The following SYT9 variants were observed in gnomAD, a reference collection of about 807,000 sequenced individuals.
The protein encoded by SYT9 is synaptotagmin-9.
Under a neutral mutation model 48.4 loss-of-function variants are expected in SYT9, and 22 were observed. The ratio of observed to expected loss-of-function variants is 0.45; its 90% CI spans 0.32 to 0.65. The LOEUF is 0.65. Among genes scored for constraint, SYT9 ranks in the 30% least tolerant of loss-of-function variants. The pLI is 0.03. For missense variants in SYT9, 577 were observed against 622.0 expected (o/e 0.93, Z 0.77); for synonymous variants, 265 against 245.0 (o/e 1.08, Z -0.76).
intron 2 of SYT9, among the ~76,000 whole-genome samples, chr11:7,309,495 T>C (rs1849091078): frequency 6.6e-6 from 1 of 152,164 alleles, no homozygotes; most frequent in Non-Finnish European, 1.5e-5. Context: ...AGTCAGTGGC[T>C]TTGAAATTCT....
intron 1 of SYT9, among the ~76,000 whole-genome samples, chr11:7,263,909 A>G (rs1422870432): frequency 6.6e-6 from 1 of 152,160 alleles, no homozygotes; most frequent in Non-Finnish European, 1.5e-5. Flanking sequence ...ACTGATTCAA[A>G]GGATGGCTTT....
intron 3 of SYT9, among the ~76,000 whole-genome samples, chr11:7,395,215 T>G (rs1564888621): frequency 6.6e-6 from 1 of 152,104 alleles, no homozygotes; most frequent in Non-Finnish European, 1.5e-5. Flanking sequence ...AAAAAATGCT[T>G]AGTATGATTC....
At chr11:7,314,059 A>T in intron 3 of SYT9, 118 bp downstream of exon 3, 3 of 1,190,998 alleles carry the variant, frequency 2.5e-6, no homozygotes, top group Non-Finnish European at 3.6e-6. Flanking sequence ...TACATGTAGC[A>T]GTTATTTCAG....
chr11:7,315,420 C>T (rs936563813), intron 3 of SYT9, among the ~76,000 whole-genome samples: 3 of 152,180 alleles, frequency 2.0e-5, no homozygotes, highest in African/African-American at 7.2e-5. Context: ...TACTAAGTCT[C>T]CCTGGTTATG....
chr11:7,296,560 C>T (rs772274703), intron 1 of SYT9, among the ~76,000 whole-genome samples: 23 of 152,298 alleles, frequency 1.5e-4, no homozygotes, highest in Admixed American at 3.9e-4. Context: ...CCTTCCTCTC[C>T]TCTTCTTCCT....
chr11:7,313,283 G>C, intron 2 of SYT9, 112 bp from the exon 3 acceptor site: 4 of 1,152,174 alleles, frequency 3.5e-6, no homozygotes, highest in South Asian at 1.7e-5. Context: ...AAGGCCCACA[G>C]ATCTAAGCTC....
Position 7,416,127 on chromosome 11 carries a change from G to A in SYT9, c.1130G>A (p.Arg377Lys). 2 of 1,614,134 alleles carry A rather than the reference G, an allele frequency of 1.2e-6. No homozygotes were observed. The highest frequency in any genetic ancestry group is 1.7e-6 in the Non-Finnish European group (2 of 1,180,020). Reference sequence around the variant, plus strand: ...CTGACCATTACCATTATAAAAGCAAGGAATTTAAAGGCAATGGACATAACA... The same window carrying A: ...CTGACCATTACCATTATAAAAGCAAAGAATTTAAAGGCAATGGACATAACA... ...GRLTITIIKA[R>K]NLKAMDITGA... is the part of the protein sequence containing the mutation. Residue 377 changes from arginine to lysine, a missense_variant, in exon 4 of 7, where the codon AGG (arginine) becomes AAG (lysine). Arg to Lys is a conservative substitution (Grantham distance 26, BLOSUM62 2). Transcript: ENST00000318881.
At chr11:7,391,293 A>C (rs968782687) in intron 3 of SYT9, among the ~76,000 whole-genome samples, 1 of 152,034 alleles carries the variant, frequency 6.6e-6, no homozygotes, top group Admixed American at 6.6e-5. Flanking sequence ...TTTTGGTAGA[A>C]TGATGTATTT....
At chr11:7,428,100 G>GGTGACTTTT (rs1293388134) in intron 6 of SYT9, 13 of 152,184 alleles carry the variant, frequency 8.5e-5, no homozygotes, top group Non-Finnish European at 2.9e-5. Context: ...GTCAGGGATG[G>GGTGACTTTT]GTGACTTTTG....
At chr11:7,415,985 T>C in intron 3 of SYT9, 57 bp from the exon 4 acceptor site, 1 of 1,611,552 alleles carries the variant, frequency 6.2e-7, no homozygotes, top group Non-Finnish European at 8.5e-7. Context: ...AAGCTGAGCC[T>C]CTTGCACACC....
chr11:7,324,051 T>G (rs1849384491), intron 3 of SYT9, among the ~76,000 whole-genome samples: 2 of 152,036 alleles, frequency 1.3e-5, no homozygotes, highest in African/African-American at 4.8e-5. Context: ...CTTTCTAGTA[T>G]AACTTTCTGG....
intron 1 of SYT9, among the ~76,000 whole-genome samples, chr11:7,284,463 C>A (rs1189992597): frequency 1.3e-5 from 2 of 151,838 alleles, no homozygotes; most frequent in Non-Finnish European, 2.9e-5. Flanking sequence ...TTATTTTGTC[C>A]TGATATTAAA....
chr11:7,376,345 TTTCCTTCC>T (rs370224542), intron 3 of SYT9, among the ~76,000 whole-genome samples: 9 of 142,772 alleles, frequency 6.3e-5, no homozygotes, highest in East Asian at 3.9e-4. Flanking sequence ...TCCCTCTTTC[TTTCCTTCC>T]TTCCTTCCTT....
chr11:7,343,387 C>A (rs552839313), intron 3 of SYT9, among the ~76,000 whole-genome samples: 18 of 152,292 alleles, frequency 1.2e-4, no homozygotes, highest in Non-Finnish European at 2.6e-4. Flanking sequence ...CTGCCAGATA[C>A]CCTAAATCAT....
At chr11:7,292,114 A>C (rs571890003) in intron 1 of SYT9, among the ~76,000 whole-genome samples, 1 of 152,310 alleles carries the variant, frequency 6.6e-6, no homozygotes, top group East Asian at 1.9e-4. Context: ...AATGGGAAGA[A>C]ACTTTCCCAC....
At chr11:7,286,080 T>C (rs1848590030) in intron 1 of SYT9, among the ~76,000 whole-genome samples, 1 of 152,196 alleles carries the variant, frequency 6.6e-6, no homozygotes. Context: ...GGCCCTCTTC[T>C]CACAGATCCA....
chr11:7,346,604 G>C (rs1390642239), intron 3 of SYT9, among the ~76,000 whole-genome samples: 4 of 152,122 alleles, frequency 2.6e-5, no homozygotes, highest in African/African-American at 9.7e-5. Flanking sequence ...GGGAGCTTGT[G>C]GTCTTTTGGC....
intron 1 of SYT9, among the ~76,000 whole-genome samples, chr11:7,254,738 C>T (rs1463484915): frequency 6.6e-6 from 1 of 152,168 alleles, no homozygotes; most frequent in Non-Finnish European, 1.5e-5. Context: ...CACGGCCACC[C>T]TGTGATAGCT....
upstream of SYT9, among the ~76,000 whole-genome samples, chr11:7,250,796 G>A (rs1847853859): frequency 6.6e-6 from 1 of 152,038 alleles, no homozygotes; most frequent in African/African-American, 2.4e-5. Context: ...CCGTAGAGAC[G>A]GCACAACCTC....
Sources: allele counts gnomAD v4.1 joint callset (sites outside exome capture counted in the v4.1 genomes callset), GRCh38; gene constraint gnomAD v4.1.1; transcripts MANE v1.5; gene names NCBI Gene and HGNC (gene_info 2026-07-23, HGNC 2026-07-21).